Variants in DYNC1I1 observed in about 807,000 individuals in gnomAD.
The protein encoded by DYNC1I1 is dynein cytoplasmic 1 intermediate chain 1, also known as cytoplasmic dynein 1 intermediate chain 1.
A neutral mutation model predicts 86.6 loss-of-function variants in DYNC1I1; 43 were observed. That is an observed-to-expected ratio of 0.50 (90% CI 0.39 to 0.64). DYNC1I1 has a LOEUF of 0.64. Among genes scored for constraint, DYNC1I1 ranks in the 30% least tolerant of loss-of-function variants. The pLI is 0.00. For missense variants in DYNC1I1, 604 were observed against 788.8 expected (o/e 0.77, Z 2.81); for synonymous variants, 262 against 283.7 (o/e 0.92, Z 0.77).
At chr7:96,009,789 T>A (rs1167646133) in intron 10 of DYNC1I1, among the ~76,000 whole-genome samples, 1 of 152,126 alleles carries the variant, frequency 6.6e-6, no homozygotes, top group Non-Finnish European at 1.5e-5. Flanking sequence ...ACTTCTTTTT[T>A]TTTTTTAAGA....
intron 6 of DYNC1I1, among the ~76,000 whole-genome samples, chr7:95,884,967 G>A (rs1423506260): frequency 6.6e-6 from 1 of 152,042 alleles, no homozygotes. Context: ...ACAATACATG[G>A]TATATTACAA....
intron 6 of DYNC1I1, among the ~76,000 whole-genome samples, chr7:95,941,466 TCCC>T (rs1380885730): frequency 6.6e-6 from 1 of 152,160 alleles, no homozygotes; most frequent in Non-Finnish European, 1.5e-5. Context: ...AGTTCGAGCT[TCCC>T]GGGCTGCTTT....
chr7:95,956,078 T>C (rs1792702467), intron 6 of DYNC1I1, among the ~76,000 whole-genome samples: 1 of 152,190 alleles, frequency 6.6e-6, no homozygotes, highest in Non-Finnish European at 1.5e-5. Flanking sequence ...TGTATCTCCA[T>C]ACAAAGAAGA....
chr7:95,940,434 C>T (rs1792176168), intron 6 of DYNC1I1, among the ~76,000 whole-genome samples: 1 of 152,224 alleles, frequency 6.6e-6, no homozygotes, highest in Non-Finnish European at 1.5e-5. Flanking sequence ...TTCAGGTACA[C>T]CAATCAGACA....
At chr7:95,914,661 AC>A (rs1310696996) in intron 6 of DYNC1I1, among the ~76,000 whole-genome samples, 1 of 152,240 alleles carries the variant, frequency 6.6e-6, no homozygotes, top group Non-Finnish European at 1.5e-5. Context: ...AAATGAAACT[AC>A]CTAATAATTT....
intron 10 of DYNC1I1, among the ~76,000 whole-genome samples, chr7:96,009,726 T>C (rs1794226940): frequency 6.6e-6 from 1 of 152,186 alleles, no homozygotes; most frequent in South Asian, 2.1e-4. Flanking sequence ...ACCTGTTTAA[T>C]TATATTTCAA....
chr7:95,841,108 G>T (rs985439972), intron 5 of DYNC1I1, among the ~76,000 whole-genome samples: 4 of 152,172 alleles, frequency 2.6e-5, no homozygotes, highest in Admixed American at 6.5e-5. Context: ...TCTAGTAAAT[G>T]CTAGGCCCTC....
chr7:95,791,541 T>C (rs909033000), intron 1 of DYNC1I1, among the ~76,000 whole-genome samples: 3 of 152,186 alleles, frequency 2.0e-5, no homozygotes, highest in Admixed American at 2.0e-4. Flanking sequence ...CCAAGCGCAA[T>C]AGATGGCTCT....
At chr7:95,898,527 T>C (rs1790948656) in intron 6 of DYNC1I1, among the ~76,000 whole-genome samples, 1 of 152,200 alleles carries the variant, frequency 6.6e-6, no homozygotes, top group Non-Finnish European at 1.5e-5. Flanking sequence ...TAGTAGATAC[T>C]TGCTCACAGA....
intron 5 of DYNC1I1, among the ~76,000 whole-genome samples, chr7:95,830,367 T>G (rs1795294312): frequency 6.6e-6 from 1 of 152,158 alleles, no homozygotes; most frequent in African/African-American, 2.4e-5. Flanking sequence ...ACACTCTTGC[T>G]TCTTCCTGTT....
Position 96,098,017 on chromosome 7 carries a change from C to T in DYNC1I1, c.*424C>T, listed in dbSNP as rs1048883583. 11 of 990,510 alleles carry T rather than the reference C, an allele frequency of 1.1e-5. No homozygotes were observed. The highest frequency in any genetic ancestry group is 5.2e-5 in the African/African-American group (3 of 57,360). The allele number at this position is 990,510 out of a possible 1,614,324, so 61.4% of individuals were successfully genotyped here. ...ATGGTACAGGGCCAAAGACTTGAGA[C>T]GTGGTGTTTTACATGGTGACTCACA... On this transcript the variant is annotated 3_prime_UTR_variant, in exon 17 of 17. Coordinates refer to ENST00000447467, the MANE Select transcript of DYNC1I1 (RefSeq NM_001135556.2).
chr7:95,804,879 A>G (rs749699415), intron 2 of DYNC1I1, 42 bp downstream of exon 2: 2 of 1,533,906 alleles, frequency 1.3e-6, no homozygotes, highest in South Asian at 1.2e-5. Context: ...AAAAAGGAAA[A>G]TCACTTGATT....
intron 6 of DYNC1I1, among the ~76,000 whole-genome samples, chr7:95,953,005 T>C (rs1194519538): frequency 6.6e-6 from 1 of 151,312 alleles, no homozygotes; most frequent in Non-Finnish European, 1.5e-5. Context: ...GCAAAATAGC[T>C]AATGGCTTTT....
intron 6 of DYNC1I1, among the ~76,000 whole-genome samples, chr7:95,965,295 C>T (rs1241133562): frequency 1.3e-5 from 2 of 152,198 alleles, no homozygotes; most frequent in African/African-American, 4.8e-5. Context: ...CACCTCCAAA[C>T]CCATTAATAT....
chr7:96,027,121 A>C (rs1794701851), intron 10 of DYNC1I1, among the ~76,000 whole-genome samples: 1 of 152,190 alleles, frequency 6.6e-6, no homozygotes. Flanking sequence ...CTGGTAGCCC[A>C]TCTGTTCATC....
At chr7:95,845,188 C>A (rs1049727989) in intron 5 of DYNC1I1, among the ~76,000 whole-genome samples, 9 of 152,128 alleles carry the variant, frequency 5.9e-5, no homozygotes, top group Admixed American at 1.3e-4. Context: ...GCATTCTTGG[C>A]TGAAAGAGAG....
At chr7:95,881,703 G>T (rs902856873) in intron 6 of DYNC1I1, among the ~76,000 whole-genome samples, 2 of 152,210 alleles carry the variant, frequency 1.3e-5, no homozygotes, top group Non-Finnish European at 2.9e-5. Context: ...AAATAAGATT[G>T]AGCCGATGGC....
chr7:96,048,012 G>T (rs189858284), intron 14 of DYNC1I1, among the ~76,000 whole-genome samples: 1 of 152,220 alleles, frequency 6.6e-6, no homozygotes, highest in Admixed American at 6.5e-5. Flanking sequence ...CATGGAAGTG[G>T]AGGGAGAAGG....
At chr7:95,944,013 A>T (rs1444613316) in intron 6 of DYNC1I1, among the ~76,000 whole-genome samples, 3 of 152,222 alleles carry the variant, frequency 2.0e-5, no homozygotes, top group Admixed American at 6.5e-5. Context: ...CAAAAGCCAA[A>T]ATTGACAAAT....
Sources: gnomAD v4.1 joint callset for allele counts (sites outside exome capture counted in the v4.1 genomes callset) on GRCh38, gnomAD v4.1.1 for gene constraint, MANE v1.5 for transcripts, NCBI Gene and HGNC (gene_info 2026-07-23, HGNC 2026-07-21) for gene names.